LRRCC1: variants seen among roughly 807,000 people sequenced by gnomAD.
LRRCC1 encodes the protein leucine rich repeat and coiled-coil centrosomal protein 1, also known as leucine-rich repeat and coiled-coil domain-containing protein 1.
A neutral mutation model predicts 126.0 loss-of-function variants in LRRCC1; 115 were observed. That is an observed-to-expected ratio of 0.91 (90% CI 0.78 to 1.07). The LOEUF (loss-of-function observed/expected upper bound fraction) is 1.07, where lower values mean the gene tolerates loss of function less well. Ranked by LOEUF, LRRCC1 falls within the 50% of genes least tolerant of loss-of-function variation. The probability of loss-of-function intolerance (pLI) is 0.00; values close to 1 mark genes in which losing one functional copy is unlikely to be tolerated. For missense variants in LRRCC1, 1,172 were observed against 1,175.7 expected (o/e 1.00, Z 0.05); for synonymous variants, 400 against 393.4 (o/e 1.02, Z -0.20).
intron 12 of LRRCC1, among the ~76,000 whole-genome samples, chr8:85,133,939 T>G (rs1473355023): frequency 6.6e-6 from 1 of 152,164 alleles, no homozygotes; most frequent in Non-Finnish European, 1.5e-5. Flanking sequence ...GTCAAAACAC[T>G]TCACAATCTA....
Position 85,145,655 on chromosome 8 carries a change from T to A in LRRCC1, c.*144T>A. 1 of 565,282 alleles carries A rather than the reference T, an allele frequency of 1.8e-6. No homozygotes were observed. The highest frequency in any genetic ancestry group is 2.6e-6 in the Non-Finnish European group (1 of 384,972). The allele number at this position is 565,282 out of a possible 1,614,324, so 35.0% of individuals were successfully genotyped here. A position where few individuals can be genotyped will look rare whatever the true frequency, so the allele number is the denominator to read the frequency against. Reference sequence around the variant, plus strand: ...TGAATATATTTTTAAAGACTTTTGATCAAGTATTTATTAATTGTATAGGTT... The same window carrying A: ...TGAATATATTTTTAAAGACTTTTGAACAAGTATTTATTAATTGTATAGGTT... On this transcript the variant is annotated 3_prime_UTR_variant, in exon 19 of 19. Transcript: ENST00000360375.
Position 85,134,888 on chromosome 8 carries a change from G to A in LRRCC1, c.2010G>A (p.Lys670=). ...GFENVATELA[K]SKHALIWAQR... ...AAAATGTTGCAACTGAGTTAGCAAAGAGCAAACATGCTCTTATTTGGGCTC... is the reference window on the plus strand; with the variant it reads ...AAAATGTTGCAACTGAGTTAGCAAAAAGCAAACATGCTCTTATTTGGGCTC... Residue 670 remains lysine, a synonymous_variant, in exon 13 of 19, where the codon AAG becomes AAA. Transcript: ENST00000360375. 1.3e-6 allele frequency: 2 copies of A among 1,587,708 alleles called. No individual in the cohort carries two copies. Among genetic ancestry groups the A allele is most frequent in the Non-Finnish European group, 1.7e-6 (2 of 1,173,982 alleles).
At chr8:85,127,685 A>G (rs937202153) in intron 9 of LRRCC1, among the ~76,000 whole-genome samples, 2 of 152,168 alleles carry the variant, frequency 1.3e-5, no homozygotes, top group African/African-American at 4.8e-5. Flanking sequence ...TTTCTACCCC[A>G]CTGCATGTTT....
At chr8:85,140,156 G>A (rs376749255) in intron 17 of LRRCC1, among the ~76,000 whole-genome samples, 40 of 152,102 alleles carry the variant, frequency 2.6e-4, no homozygotes, top group African/African-American at 7.5e-4. Flanking sequence ...TCATTATACC[G>A]TTAATATAAA....
chr8:85,121,514 T>G (rs1454225506), intron 6 of LRRCC1, among the ~76,000 whole-genome samples: 1 of 152,196 alleles, frequency 6.6e-6, no homozygotes, highest in African/African-American at 2.4e-5. Flanking sequence ...TGATCTCAGC[T>G]CACCGCAACC....
At chr8:85,113,815 T>C (rs1808906691) in intron 4 of LRRCC1, among the ~76,000 whole-genome samples, 1 of 152,082 alleles carries the variant, frequency 6.6e-6, no homozygotes. Context: ...TTGAGCTAAT[T>C]GGGAATCAAT....
chr8:85,137,543 G>C lies in LRRCC1; in HGVS notation c.2409G>C (p.Lys803Asn). 6.4e-7 allele frequency: 1 copy of C among 1,564,578 alleles called. No homozygotes were observed. The highest frequency in any genetic ancestry group is 8.6e-7 in the Non-Finnish European group (1 of 1,160,364). The change falls in exon 15 of 19, where the codon AAG (lysine) becomes AAC (asparagine). Residue 803 changes from lysine (K) to asparagine (N), a missense_variant. Physicochemically the swap from Lys to Asn is moderately conservative, Grantham distance 94 (BLOSUM62 0). Transcript: ENST00000360375. ...CTAGAGAGAATGAATGTCTGCGAAAGACAAATGAAAGTGATAGTGATGCAT... is the reference window on the plus strand; with the variant it reads ...CTAGAGAGAATGAATGTCTGCGAAACACAAATGAAAGTGATAGTGATGCAT... ...SLSRENECLR[K>N]TNESDSDALR...
intron 8 of LRRCC1, 122 bp downstream of exon 8, chr8:85,125,061 GTTA>G (rs1187200783): frequency 6.6e-6 from 4 of 610,508 alleles, no homozygotes; most frequent in Non-Finnish European, 1.1e-5. Context: ...ATGAAAATGG[GTTA>G]TTTTTTCCTT....
At chr8:85,109,464 C>T (rs960779799) in intron 1 of LRRCC1, 131 bp from the exon 2 acceptor site, 3 of 594,328 alleles carry the variant, frequency 5.0e-6, no homozygotes, top group Non-Finnish European at 2.9e-6. Context: ...TTCAAAGGTA[C>T]CACAAATAGG....
At chr8:85,125,178 A>G (rs1809877368) in intron 8 of LRRCC1, among the ~76,000 whole-genome samples, 1 of 152,170 alleles carries the variant, frequency 6.6e-6, no homozygotes, top group Admixed American at 6.5e-5. Flanking sequence ...TTCTGGAGGA[A>G]GAAACAGTTA....
Position 85,145,505 on chromosome 8 carries a change from T to C in LRRCC1, c.3093T>C (p.Asp1031=). 6.3e-7 allele frequency: 1 copy of C among 1,580,546 alleles called. No homozygotes were observed. Among genetic ancestry groups the C allele is most frequent in the Non-Finnish European group, 8.5e-7 (1 of 1,169,818 alleles). ...TTGCTTTAAATGAAATTCAGCAAGA[T>C]ATGTGATGGTTCTGAGAATGAATTT... ...LAFALNEIQQ[D]M Residue 1031 remains aspartate, a synonymous_variant, in exon 19 of 19, where the codon GAT becomes GAC. Transcript: ENST00000360375.
chr8:85,110,101 CT>C lies in LRRCC1; in HGVS notation c.311-3del, dbSNP rs755909227. ...TTTATAAAGGCTTTATTTTATTTTA[CT>C]TTTTTTTTTTAGGACTTGAAGAACT... On this transcript the variant is annotated splice_polypyrimidine_tract_variant and intron_variant, in intron 2 of 18. Transcript: ENST00000360375. 0.048 allele frequency: 36,942 copies of C among 770,880 alleles called. 10 individuals are homozygous for C. The highest frequency in any genetic ancestry group is 0.06 in the South Asian group (2,664 of 44,210). 47.8% of individuals were successfully genotyped at this position (770,880 alleles called of 1,614,324 possible). A position where few individuals can be genotyped will look rare whatever the true frequency, so the allele number is the denominator to read the frequency against.
In LRRCC1 at chr8:85,135,823, A is replaced by G. The variant is rs2135988907; in HGVS notation, c.2189A>G (p.Asp730Gly). The change falls in exon 14 of 19, where the codon GAT becomes GGT. Residue 730 changes from aspartate (D) to glycine (G), a missense_variant. Transcript: ENST00000360375. ...AACACCCTTGAAATTTTAATTGAAGATGACAAGCAGAAGAGTATTCAAATA... is the reference window on the plus strand; with the variant it reads ...AACACCCTTGAAATTTTAATTGAAGGTGACAAGCAGAAGAGTATTCAAATA... The part of the protein sequence containing the change: ...QINTLEILIE[D>G]DKQKSIQIEL... 3 of 1,566,924 alleles carry G rather than the reference A, an allele frequency of 1.9e-6. No individual in the cohort carries two copies. In the East Asian group the frequency reaches 6.9e-5, roughly 36 times the overall value.
intron 11 of LRRCC1, 98 bp from the exon 12 acceptor site, chr8:85,131,662 A>G (rs1228255651): frequency 1.1e-6 from 1 of 884,508 alleles, no homozygotes; most frequent in African/African-American, 1.7e-5. Flanking sequence ...TGAATTAACA[A>G]TACTGAATAT....
At chr8:85,125,762 T>G (rs903517495) in intron 8 of LRRCC1, among the ~76,000 whole-genome samples, 2 of 151,386 alleles carry the variant, frequency 1.3e-5, no homozygotes, top group African/African-American at 2.4e-5. Context: ...TCAGTACTTG[T>G]GGTTTCATTA....
At chr8:85,125,940 C>A (rs1809961619) in intron 8 of LRRCC1, among the ~76,000 whole-genome samples, 1 of 152,080 alleles carries the variant, frequency 6.6e-6, no homozygotes, top group South Asian at 2.1e-4. Flanking sequence ...CTTCATCTTT[C>A]TTCTTACTTA....
At chr8:85,126,595 G>T in intron 8 of LRRCC1, 94 bp from the exon 9 acceptor site, 1 of 995,376 alleles carries the variant, frequency 1.0e-6, no homozygotes, top group Non-Finnish European at 1.5e-6. Flanking sequence ...TTTGAAGTAG[G>T]TACTATTATT....
In LRRCC1 at chr8:85,115,408, A is replaced by T. The variant is rs552532906; in HGVS notation, c.754A>T (p.Ile252Phe). The part of the protein sequence containing the change: ...IDRMPVITAP[I>F]DELVPLEQFA... ...TAGAATGCCAGTGATAACAGCACCT[A>T]TCGATGAGTTAGTTCCCTTGGAACA... The change falls in exon 6 of 19, where the codon ATC becomes TTC. Residue 252 changes from isoleucine (I) to phenylalanine (F), a missense_variant. By Grantham distance (21) the Ile-to-Phe change is conservative (BLOSUM62 0). Coordinates refer to ENST00000360375, the MANE Select transcript of LRRCC1 (RefSeq NM_033402.5). The T allele has an allele frequency of 1.3e-5, 21 of 1,613,648 alleles. No homozygotes were observed. The highest frequency in any genetic ancestry group is 4.0e-5 in the African/African-American group (3 of 74,908).
At chr8:85,110,050 A>G in intron 2 of LRRCC1, 65 bp from the exon 3 acceptor site, 5 of 701,024 alleles carry the variant, frequency 7.1e-6, no homozygotes, top group Non-Finnish European at 1.2e-5. Flanking sequence ...TTGTAATGCT[A>G]TATCTCTGTA....
Sources: gnomAD v4.1 joint callset for allele counts (sites outside exome capture counted in the v4.1 genomes callset) on GRCh38, gnomAD v4.1.1 for gene constraint, MANE v1.5 for transcripts, NCBI Gene and HGNC (gene_info 2026-07-23, HGNC 2026-07-21) for gene names.